EXPH5: variants seen among roughly 807,000 people sequenced by gnomAD.
The protein encoded by EXPH5 is exophilin-5.
In EXPH5, 42 loss-of-function variants were observed where a neutral mutation model predicts 41.1. That is an observed-to-expected ratio of 1.02 (90% CI 0.80 to 1.32). The LOEUF (loss-of-function observed/expected upper bound fraction) is 1.32, where lower values mean the gene tolerates loss of function less well. Ranked by LOEUF, EXPH5 falls within the 40% of genes most tolerant of loss-of-function variation. The pLI is 0.00. For synonymous variants in EXPH5, 798 were observed against 833.5 expected (o/e 0.96, Z 0.73); for missense variants, 2,298 against 2,314.5 (o/e 0.99, Z 0.15).
Position 108,514,308 on chromosome 11 carries a change from G to A in EXPH5, c.1199C>T (p.Ala400Val), listed in dbSNP as rs760543743. The A allele has an allele frequency of 1.9e-6, 3 of 1,613,306 alleles. No individual in the cohort carries two copies. Among genetic ancestry groups the A allele is most frequent in the Non-Finnish European group, 2.5e-6 (3 of 1,179,670 alleles). Residue 400 changes from alanine (A) to valine (V), a missense_variant, in exon 6 of 6, where the codon GCT (alanine) becomes GTT (valine). Physicochemically the swap from Ala to Val is moderately conservative, Grantham distance 64. Coordinates refer to ENST00000265843, the MANE Select transcript of EXPH5 (RefSeq NM_015065.3). ...ACCCCTGGGATACACATACTTGTCA[G>A]CGGGATCAATTTCCATTGGTGATGG... ...RAPSPMEIDP[A>V]DKYVYPRGFQ... is the part of the protein sequence containing the mutation.
chr11:108,603,606 T>C, the EXPH5 span, among the ~76,000 whole-genome samples: 2 of 152,240 alleles, frequency 1.3e-5, no homozygotes, highest in Non-Finnish European at 2.9e-5. Context: ...AAGCTGGGGA[T>C]AGTCCACATA....
chr11:108,581,333 A>G (rs1263638878), intron 1 of EXPH5, among the ~76,000 whole-genome samples: 1 of 151,856 alleles, frequency 6.6e-6, no homozygotes, highest in Non-Finnish European at 1.5e-5. Flanking sequence ...ATATATATGT[A>G]TGCATATATA....
At chr11:108,577,492 C>T (rs1194038326) in intron 1 of EXPH5, among the ~76,000 whole-genome samples, 3 of 151,856 alleles carry the variant, frequency 2.0e-5, no homozygotes, top group Non-Finnish European at 2.9e-5. Flanking sequence ...GGCGCGATCT[C>T]GGCTCACTGC....
chr11:108,538,161 G>C (rs1047479073), intron 3 of EXPH5: 2 of 985,396 alleles, frequency 2.0e-6, no homozygotes, highest in African/African-American at 3.5e-5. Flanking sequence ...CCAGCTGCTT[G>C]CTGCCTCTTG....
At chr11:108,567,263 C>G (rs1449995650) in intron 1 of EXPH5, among the ~76,000 whole-genome samples, 1 of 152,148 alleles carries the variant, frequency 6.6e-6, no homozygotes, top group East Asian at 1.9e-4. Context: ...TTGATATGAA[C>G]AGTCTTTCTG....
rs1044850819 is a variant in EXPH5, at chr11:108,506,984, C to T, written c.*2553G>A. 6.6e-6 allele frequency: 1 copy of T among 151,798 alleles called. No homozygotes were observed. Among genetic ancestry groups the T allele is most frequent in the African/African-American group, 2.4e-5 (1 of 41,298 alleles). 9.4% of individuals were successfully genotyped at this position (151,798 alleles called of 1,614,324 possible). A position where few individuals can be genotyped will look rare whatever the true frequency, so the allele number is the denominator to read the frequency against. On this transcript the variant is annotated 3_prime_UTR_variant, in exon 6 of 6. Transcript: ENST00000265843. Reference sequence around the variant, plus strand: ...CCAGCCTGGGCAACAGAGTGAGACTCTGTCTCAAAGAAAATAATAATAATA... The same window carrying T: ...CCAGCCTGGGCAACAGAGTGAGACTTTGTCTCAAAGAAAATAATAATAATA...
rs1160522403 is a variant in EXPH5 at position 108,562,742 on chromosome 11, C to A, written c.120-20930G>T. ...CTTTGGGAGGCCGAGGCAGGAGGAT[C>A]AAGTGAGCCCAGGAGTTCAAGGCCA... is the stretch of plus-strand genomic sequence containing the variant. On this transcript the variant is annotated intron_variant, in intron 1 of 5. Transcript: ENST00000265843. 3.9e-5 allele frequency among the ~76,000 whole-genome samples: 6 copies of A among 152,318 alleles called. 1 individual carries two copies. The highest frequency in any genetic ancestry group is 3.9e-4 in the Admixed American group (6 of 15,298).
At chr11:108,582,464 A>T (rs10890863) in intron 1 of EXPH5, among the ~76,000 whole-genome samples, 63,659 of 150,828 alleles carry the variant, frequency 0.42, 13,639 homozygotes, top group Middle Eastern at 0.55. Flanking sequence ...AGACCCTGTC[A>T]CAAAGAAAAA....
At chr11:108,572,500 T>C (rs1373099875) in intron 1 of EXPH5, among the ~76,000 whole-genome samples, 2 of 152,192 alleles carry the variant, frequency 1.3e-5, no homozygotes, top group African/African-American at 4.8e-5. Context: ...ATTCACAACA[T>C]GTGAGGTTCT....
chr11:108,507,156 A>G lies in EXPH5; in HGVS notation c.*2381T>C, dbSNP rs2093648672. The G allele has an allele frequency of 1.3e-5, 2 of 152,230 alleles. No individual in the cohort carries two copies. Among genetic ancestry groups the G allele is most frequent in the Non-Finnish European group, 2.9e-5 (2 of 68,048 alleles). The allele number at this position is 152,230 out of a possible 1,614,324, so 9.4% of individuals were successfully genotyped here. ...GATTTTTGAGCTTTCTGAGCTCAGG[A>G]TTGGTCAGAGCTTGAAGTTTAAAAT... On this transcript the variant is annotated 3_prime_UTR_variant, in exon 6 of 6. Coordinates refer to ENST00000265843, the MANE Select transcript of EXPH5 (RefSeq NM_015065.3).
chr11:108,579,241 G>C (rs1740714202), intron 1 of EXPH5, among the ~76,000 whole-genome samples: 1 of 150,336 alleles, frequency 6.7e-6, no homozygotes, highest in South Asian at 2.1e-4. Context: ...GAATTTTAAT[G>C]AATGCTTTTT....
At chr11:108,596,273 C>A (rs1171781402), upstream of EXPH5, among the ~76,000 whole-genome samples, 1 of 151,958 alleles carries the variant, frequency 6.6e-6, no homozygotes, top group African/African-American at 2.4e-5. Flanking sequence ...ATCAAGGAAA[C>A]CATTGTGTTG....
chr11:108,522,077 C>T (rs1222359489), intron 4 of EXPH5, among the ~76,000 whole-genome samples: 2 of 152,116 alleles, frequency 1.3e-5, no homozygotes, highest in African/African-American at 4.8e-5. Flanking sequence ...CTATCCTACT[C>T]AACGTGTTCA....
chr11:108,545,600 G>C (rs142358277), intron 1 of EXPH5, among the ~76,000 whole-genome samples: 1 of 151,926 alleles, frequency 6.6e-6, no homozygotes, highest in Non-Finnish European at 1.5e-5. Context: ...GTGTGGGGGG[G>C]AAACAATAAA....
At chr11:108,561,543 T>C (rs2186783) in intron 1 of EXPH5, among the ~76,000 whole-genome samples, 101,075 of 152,004 alleles carry the variant, frequency 0.66, 34,763 homozygotes, top group Non-Finnish European at 0.74. Context: ...GTCCTACTCA[T>C]AGTAAAGTGG....
chr11:108,524,378 T>A (rs988647547), intron 4 of EXPH5, among the ~76,000 whole-genome samples: 1 of 152,266 alleles, frequency 6.6e-6, no homozygotes, highest in Non-Finnish European at 1.5e-5. Context: ...TTAGTAATCC[T>A]TATTGTTGCT....
At chr11:108,526,138 G>A (rs985428939) in intron 4 of EXPH5, among the ~76,000 whole-genome samples, 1 of 151,800 alleles carries the variant, frequency 6.6e-6, no homozygotes, top group East Asian at 1.9e-4. Context: ...GCCCAAGCTG[G>A]TCTCAAACTC....
intron 1 of EXPH5, among the ~76,000 whole-genome samples, chr11:108,568,354 C>T (rs537424891): frequency 3.3e-5 from 5 of 152,202 alleles, no homozygotes; most frequent in South Asian, 2.1e-4. Flanking sequence ...GGCTGGCCGG[C>T]GTGGTGGTTC....
chr11:108,574,075 G>GT (rs1384755703), intron 1 of EXPH5, among the ~76,000 whole-genome samples: 1,923 of 144,980 alleles, frequency 0.013, 55 homozygotes, highest in African/African-American at 0.049. Flanking sequence ...CTAATTTTGT[G>GT]TGTTTTTTTT....
Sources: gnomAD v4.1 joint callset for allele counts (sites outside exome capture counted in the v4.1 genomes callset) on GRCh38, gnomAD v4.1.1 for gene constraint, MANE v1.5 for transcripts, NCBI Gene and HGNC (gene_info 2026-07-23, HGNC 2026-07-21) for gene names.